Variants in GPR39 observed in about 807,000 individuals in gnomAD.
GPR39 encodes the protein G protein-coupled receptor 39, also known as zinc sensing receptor.
Under a neutral mutation model 18.4 loss-of-function variants are expected in GPR39, and 23 were observed. That is an observed-to-expected ratio of 1.25 (90% confidence interval 0.90 to 1.77). The LOEUF is 1.77. GPR39 is among the 40% of genes most tolerant of loss of function. The pLI is 0.00. For synonymous variants in GPR39, 280 were observed against 257.9 expected (o/e 1.09, Z -0.82); for missense variants, 647 against 602.4 (o/e 1.07, Z -0.78).
intron 1 of GPR39, among the ~76,000 whole-genome samples, chr2:132,460,651 A>G (rs1268542234): frequency 6.6e-6 from 1 of 152,158 alleles, no homozygotes; most frequent in African/African-American, 2.4e-5. Context: ...GTTAATTTCC[A>G]GTTTCTGGGA....
rs771473286 is a variant in GPR39, at chr2:132,645,165, G to A, written c.921G>A (p.Ala307=). ...MPNQIRRIMA[A]AKPKHDWTRS... ...ACCAGATTCGGAGGATCATGGCTGC[G>A]GCCAAACCCAAGCACGACTGGACGA... is the stretch of plus-strand genomic sequence containing the variant. Residue 307 remains alanine, a synonymous_variant, in exon 2 of 2, where the codon GCG becomes GCA. Coordinates refer to ENST00000329321, the MANE Select transcript of GPR39 (RefSeq NM_001508.3). The A allele has an allele frequency of 9.3e-6, 15 of 1,614,018 alleles. No individual in the cohort carries two copies. The highest frequency in any genetic ancestry group is 4.0e-5 in the African/African-American group (3 of 74,902).
At chr2:132,644,844 G>T in intron 1 of GPR39, 1 of 476,382 alleles carries the variant, frequency 2.1e-6, no homozygotes, top group Non-Finnish European at 3.7e-6. Flanking sequence ...GACATCAACT[G>T]GTATAAATAC....
At chr2:132,490,683 G>A (rs1681440535) in intron 1 of GPR39, among the ~76,000 whole-genome samples, 2 of 151,866 alleles carry the variant, frequency 1.3e-5, no homozygotes, top group Admixed American at 6.6e-5. Context: ...GATCAGGGAG[G>A]CCTCAGAGGC....
intron 1 of GPR39, among the ~76,000 whole-genome samples, chr2:132,477,073 G>A (rs779057925): frequency 2.6e-5 from 4 of 152,172 alleles, no homozygotes; most frequent in Non-Finnish European, 5.9e-5. Flanking sequence ...CATGATTCTC[G>A]AGATGCTATC....
intron 1 of GPR39, among the ~76,000 whole-genome samples, chr2:132,464,360 A>G (rs1463614309): frequency 1.3e-5 from 2 of 152,220 alleles, no homozygotes; most frequent in African/African-American, 4.8e-5. Context: ...GGATTGGCCT[A>G]TGACGGGCAT....
chr2:132,488,968 C>T (rs866707709), intron 1 of GPR39: 1 of 153,742 alleles, frequency 6.5e-6, no homozygotes, highest in Non-Finnish European at 1.5e-5. Flanking sequence ...TTTTCTCTCT[C>T]TCACTATTGA....
At chr2:132,530,377 G>T (rs1041354271) in intron 1 of GPR39, among the ~76,000 whole-genome samples, 1 of 152,316 alleles carries the variant, frequency 6.6e-6, no homozygotes, top group South Asian at 2.1e-4. Flanking sequence ...ATCTACATCA[G>T]ATTGGTGTAC....
At position 132,546,191 on chromosome 2, in the gene GPR39, C is replaced by G. The variant is rs1679945522; in HGVS notation, c.857-98910C>G. Among the ~76,000 whole-genome samples the G allele has an allele frequency of 2.0e-5, 3 of 152,186 alleles. No individual in the cohort carries two copies. The South Asian group carries it at 6.2e-4, about 32-fold the overall frequency. ...CTCAAACTTGAGTGTGCCTCAGAAT[C>G]ACTCCCAGGGCTTGTTCAACACAGA... On this transcript the variant is annotated intron_variant, in intron 1 of 1. Coordinates refer to ENST00000329321, the MANE Select transcript of GPR39 (RefSeq NM_001508.3).
At chr2:132,505,555 CCACA>C (rs1679120352) in intron 1 of GPR39, among the ~76,000 whole-genome samples, 1 of 152,172 alleles carries the variant, frequency 6.6e-6, no homozygotes, top group African/African-American at 2.4e-5. Context: ...TTTACCCACC[CCACA>C]CACCCTTCCC....
chr2:132,600,329 C>T (rs983062356), intron 1 of GPR39, among the ~76,000 whole-genome samples: 4 of 152,074 alleles, frequency 2.6e-5, no homozygotes, highest in Admixed American at 1.3e-4. Context: ...CCTAACAATG[C>T]ACCTCAATGT....
At chr2:132,476,448 C>A in intron 1 of GPR39, among the ~76,000 whole-genome samples, 1 of 151,874 alleles carries the variant, frequency 6.6e-6, no homozygotes, top group Admixed American at 6.6e-5. Flanking sequence ...CCAGCCTGGG[C>A]AACATGGTGA....
chr2:132,598,379 A>G (rs1680983030), intron 1 of GPR39, among the ~76,000 whole-genome samples: 1 of 143,372 alleles, frequency 7.0e-6, no homozygotes, highest in South Asian at 2.2e-4. Flanking sequence ...TTTTTTTTTT[A>G]AGATAATGAT....
chr2:132,563,820 G>T (rs796828603), intron 1 of GPR39, among the ~76,000 whole-genome samples: 30 of 150,674 alleles, frequency 2.0e-4, no homozygotes, highest in African/African-American at 7.0e-4. Context: ...TAGGTGGCCT[G>T]GGCTGAGGAT....
At chr2:132,544,576 C>T (rs1317831670) in intron 1 of GPR39, among the ~76,000 whole-genome samples, 1 of 152,270 alleles carries the variant, frequency 6.6e-6, no homozygotes, top group Non-Finnish European at 1.5e-5. Context: ...GGAGGTACTC[C>T]ACCCACTTGG....
intron 1 of GPR39, among the ~76,000 whole-genome samples, chr2:132,616,985 A>G (rs1392812526): frequency 1.3e-5 from 2 of 152,192 alleles, no homozygotes; most frequent in Non-Finnish European, 2.9e-5. Context: ...CCATTCATAG[A>G]GACATTTTTA....
intron 1 of GPR39, among the ~76,000 whole-genome samples, chr2:132,530,119 C>T (rs1031478662): frequency 1.1e-4 from 16 of 152,076 alleles, no homozygotes; most frequent in South Asian, 2.1e-4. Flanking sequence ...AAAAATTAGA[C>T]GAATGGCTAA....
At chr2:132,519,970 C>T (rs1485918120) in intron 1 of GPR39, among the ~76,000 whole-genome samples, 1 of 152,180 alleles carries the variant, frequency 6.6e-6, no homozygotes, top group Non-Finnish European at 1.5e-5. Context: ...GGTAGCTCCC[C>T]ATTGCCCTTG....
At chr2:132,455,191 C>T (rs999713422) in intron 1 of GPR39, among the ~76,000 whole-genome samples, 2 of 152,164 alleles carry the variant, frequency 1.3e-5, no homozygotes, top group African/African-American at 4.8e-5. Flanking sequence ...GATTCGACTT[C>T]TTCCTGGTTT....
chr2:132,470,126 C>G (rs140989649), intron 1 of GPR39, among the ~76,000 whole-genome samples: 107 of 152,270 alleles, frequency 7.0e-4, no homozygotes, highest in African/African-American at 2.5e-3. Context: ...GATATGGCCA[C>G]CTCTAGTCTA....
Sources: gnomAD v4.1 joint callset for allele counts (sites outside exome capture counted in the v4.1 genomes callset) on GRCh38, gnomAD v4.1.1 for gene constraint, MANE v1.5 for transcripts, NCBI Gene and HGNC (gene_info 2026-07-23, HGNC 2026-07-21) for gene names.